NID1: variants seen among roughly 807,000 people sequenced by gnomAD.
The protein encoded by NID1 is nidogen 1, also known as nidogen-1.
NID1 carries 76 observed loss-of-function variants against 130.6 expected under a neutral mutation model. The observed-to-expected ratio is 0.58, with a 90% confidence interval of 0.48 to 0.70. The LOEUF is 0.70. Among genes scored for constraint, NID1 ranks in the 30% least tolerant of loss-of-function variants. NID1 has a pLI of 0.00. For missense variants in NID1, 1,517 were observed against 1,664.8 expected (o/e 0.91, Z 1.54); for synonymous variants, 665 against 675.1 (o/e 0.98, Z 0.23).
chr1:236,006,389 C>CAAAAG (rs1658249686), intron 12 of NID1, among the ~76,000 whole-genome samples: 1 of 152,178 alleles, frequency 6.6e-6, no homozygotes, highest in South Asian at 2.1e-4. Context: ...ACACCACCAC[C>CAAAAG]TATTGTCTTG....
In NID1 at chr1:235,981,702, C is replaced by G. The variant is rs1029458426; in HGVS notation, c.3136G>C (p.Glu1046Gln). The stretch of plus-strand genomic sequence containing the variant: ...TGCGTGCCGTCCAGCTTCGCCACTT[C>G]TATTCGATCCAGGTTAGAGTCTGTC... ...FWTDSNLDRI[E>Q]VAKLDGTQRR... The change falls in exon 16 of 20, where the codon GAA (glutamate) becomes CAA (glutamine). Residue 1046 changes from glutamate (E) to glutamine (Q), a missense_variant. By Grantham distance (29) the Glu-to-Gln change is conservative. Transcript: ENST00000264187. The G allele has an allele frequency of 1.2e-6, 2 of 1,614,130 alleles. No individual in the cohort carries two copies. The highest frequency in any genetic ancestry group is 2.7e-5 in the African/African-American group (2 of 74,952).
intron 2 of NID1, 102 bp from the exon 3 acceptor site, chr1:236,045,785 GA>G (rs1558447150): frequency 1.2e-6 from 1 of 834,154 alleles, no homozygotes; most frequent in African/African-American, 1.7e-5. Context: ...GCTATAGAGC[GA>G]TGGCAATATT....
chr1:236,034,868 C>T (rs956895637), intron 5 of NID1, among the ~76,000 whole-genome samples: 1 of 151,948 alleles, frequency 6.6e-6, no homozygotes, highest in Non-Finnish European at 1.5e-5. Flanking sequence ...TGTGGTATTA[C>T]TTTCAGTTAT....
Position 236,038,077 on chromosome 1 carries a change from T to C in NID1, c.1285+27A>G, listed in dbSNP as rs1659313400. Reference sequence around the variant, plus strand: ...AAACTCCGCTCCTCCTTCTCCCGCATGAAACGAACATAGAAAAGCAAATTA... The same window carrying C: ...AAACTCCGCTCCTCCTTCTCCCGCACGAAACGAACATAGAAAAGCAAATTA... On this transcript the variant is annotated intron_variant, in intron 5 of 19. Coordinates refer to ENST00000264187, the MANE Select transcript of NID1 (RefSeq NM_002508.3). The C allele has an allele frequency of 1.9e-6, 3 of 1,580,060 alleles. No homozygotes were observed. The South Asian group carries it at 3.4e-5, about 18-fold the overall frequency.
At chr1:235,987,838 G>A (rs1045829062) in intron 14 of NID1, among the ~76,000 whole-genome samples, 3 of 152,086 alleles carry the variant, frequency 2.0e-5, no homozygotes, top group Admixed American at 6.5e-5. Flanking sequence ...TCCTCCTCAA[G>A]GGGTCAAGTC....
At chr1:235,995,175 G>C (rs1027928573) in intron 12 of NID1, among the ~76,000 whole-genome samples, 1 of 152,196 alleles carries the variant, frequency 6.6e-6, no homozygotes, top group African/African-American at 2.4e-5. Flanking sequence ...AGTTGTGTTT[G>C]TACTGAACAT....
At chr1:236,048,025 CAAAAAAAAAAAA>C (rs57153446) in intron 2 of NID1, among the ~76,000 whole-genome samples, 28 of 33,926 alleles carry the variant, frequency 8.3e-4, no homozygotes, top group African/African-American at 3.7e-3. Flanking sequence ...GACTCCATCT[CAAAAAAAAAAAA>C]AAAAAAAAAA....
chr1:236,033,455 C>T lies in NID1; in HGVS notation c.1286-803G>A, dbSNP rs114357003. ...AACACTGTGAGCTCATATACAGTCC[C>T]ACCACCCAGCGTTAGCACTGCCAGT... On this transcript the variant is annotated intron_variant, in intron 5 of 19. Coordinates refer to ENST00000264187, the MANE Select transcript of NID1 (RefSeq NM_002508.3). Among the ~76,000 whole-genome samples, 78 of 152,312 alleles carry T rather than the reference C, an allele frequency of 5.1e-4. 1 individual carries two copies. Among genetic ancestry groups the T allele is most frequent in the African/African-American group, 1.8e-3 (76 of 41,564 alleles).
At chr1:236,047,492 C>T (rs534837047) in intron 2 of NID1, among the ~76,000 whole-genome samples, 1 of 152,252 alleles carries the variant, frequency 6.6e-6, no homozygotes, top group Non-Finnish European at 1.5e-5. Context: ...AAAGACCCTG[C>T]TTCCTTCAAG....
intron 15 of NID1, among the ~76,000 whole-genome samples, chr1:235,984,028 C>T (rs1267102465): frequency 6.6e-6 from 1 of 151,140 alleles, no homozygotes; most frequent in Non-Finnish European, 1.5e-5. Flanking sequence ...CTTTCTTCTA[C>T]AAAGATCACA....
chr1:235,978,671 G>A (rs371293550), intron 19 of NID1, among the ~76,000 whole-genome samples: 4 of 152,246 alleles, frequency 2.6e-5, no homozygotes, highest in South Asian at 2.1e-4. Flanking sequence ...TGTTATTGCT[G>A]TTAGGCCAGA....
chr1:235,984,210 A>G (rs1657512848), intron 15 of NID1, among the ~76,000 whole-genome samples: 2 of 152,230 alleles, frequency 1.3e-5, no homozygotes, highest in Non-Finnish European at 1.5e-5. Context: ...GATAATAACA[A>G]TAACATTTTT....
chr1:236,060,608 A>G (rs2102853917), intron 1 of NID1: 1 of 152,262 alleles, frequency 6.6e-6, no homozygotes, highest in East Asian at 1.9e-4. Flanking sequence ...GTGACTTTGG[A>G]TCAGTTACCC....
At chr1:235,981,222 G>A (rs1333668624) in intron 16 of NID1, among the ~76,000 whole-genome samples, 2 of 152,206 alleles carry the variant, frequency 1.3e-5, no homozygotes, top group Non-Finnish European at 2.9e-5. Flanking sequence ...CACACAGGAA[G>A]GGATCTCCAG....
At chr1:236,027,599 C>A (rs551466359) in intron 7 of NID1, among the ~76,000 whole-genome samples, 11 of 152,160 alleles carry the variant, frequency 7.2e-5, no homozygotes, top group African/African-American at 2.4e-4. Flanking sequence ...GAGGCTGAAG[C>A]GGGAGGATCA....
chr1:236,029,336 C>T (rs532635228), intron 7 of NID1, among the ~76,000 whole-genome samples: 1 of 152,306 alleles, frequency 6.6e-6, no homozygotes, highest in South Asian at 2.1e-4. Context: ...GGTTTTACAA[C>T]TCTAACTCAT....
At position 236,012,038 on chromosome 1, in the gene NID1, C is replaced by T. The variant is rs1187176290; in HGVS notation, c.2410G>A (p.Asp804Asn). The T allele has an allele frequency of 2.5e-6, 4 of 1,613,250 alleles. No homozygotes were observed. Among genetic ancestry groups the T allele is most frequent in the Non-Finnish European group, 3.4e-6 (4 of 1,179,258 alleles). The change falls in exon 12 of 20, where the codon GAT becomes AAT. Residue 804 changes from aspartate to asparagine, a missense_variant. Physicochemically the swap from Asp to Asn is conservative, Grantham distance 23 (BLOSUM62 1). This residue lies in a region of NID1 where 1,329 missense variants were observed against 1,429.2 expected (regional missense o/e 0.93). Coordinates refer to ENST00000264187, the MANE Select transcript of NID1 (RefSeq NM_002508.3). ...SGDGQACQDV[D>N]ECQPSRCHPD... is the part of the protein sequence containing the mutation. Reference sequence around the variant, plus strand: ...TGACATCGGCTTGGCTGGCATTCATCTACATCTGTAAAACAGCCACCAGGC... The same window carrying T: ...TGACATCGGCTTGGCTGGCATTCATTTACATCTGTAAAACAGCCACCAGGC...
Position 236,065,048 on chromosome 1 carries a change from G to A in NID1, c.32C>T (p.Ala11Val), listed in dbSNP as rs770946994. Residue 11 changes from alanine (A) to valine (V), a missense_variant, in exon 1 of 20, where the codon GCG becomes GTG. Ala to Val is a moderately conservative substitution (Grantham distance 64, BLOSUM62 0). Transcript: ENST00000264187. The surrounding 1 kb of genome is among the most constrained non-coding windows in gnomAD (Gnocchi z 4.1). MLASSSRIRAAWTRALLLPLL... is the reference protein window; with the variant it reads MLASSSRIRAVWTRALLLPLL... ...CGGCAGCAGCAGCGCCCGCGTCCAC[G>A]CAGCCCGGATCCGGCTGCTCGAGGC... is the stretch of plus-strand genomic sequence containing the variant. 36 of 1,553,672 alleles carry A rather than the reference G, an allele frequency of 2.3e-5. No homozygotes were observed. Among genetic ancestry groups the A allele is most frequent in the Non-Finnish European group, 3.1e-5 (36 of 1,148,804 alleles).
At chr1:236,042,636 G>A (rs1215820310) in intron 3 of NID1, among the ~76,000 whole-genome samples, 1 of 152,224 alleles carries the variant, frequency 6.6e-6, no homozygotes, top group Admixed American at 6.5e-5. Flanking sequence ...GTGGCTCATA[G>A]GACTGACAGT....
Sources: allele counts gnomAD v4.1 joint callset (sites outside exome capture counted in the v4.1 genomes callset), GRCh38; gene constraint gnomAD v4.1.1; regional missense constraint gnomAD v4.1.1; non-coding constraint Gnocchi (gnomAD v3.1); transcripts MANE v1.5; gene names NCBI Gene and HGNC (gene_info 2026-07-23, HGNC 2026-07-21).